The following CDH8 variants were observed in gnomAD, a reference collection of about 807,000 sequenced individuals.
The protein encoded by CDH8 is cadherin 8, also known as cadherin-8.
Under a neutral mutation model 68.1 loss-of-function variants are expected in CDH8, and 17 were observed. The ratio of observed to expected loss-of-function variants is 0.25; its 90% confidence interval spans 0.17 to 0.37. CDH8 has a LOEUF of 0.37. CDH8 is among the 10% of genes least tolerant of loss of function. CDH8 has a pLI of 1.00. For missense variants in CDH8, 763 were observed against 999.3 expected (o/e 0.76, Z 3.19); for synonymous variants, 372 against 365.1 (o/e 1.02, Z -0.21).
At position 61,789,472 on chromosome 16, in the gene CDH8, C is replaced by T. The variant is rs1320867655; in HGVS notation, c.1288G>A (p.Asp430Asn). 7 of 1,612,170 alleles carry T rather than the reference C, an allele frequency of 4.3e-6. No homozygotes were observed. Among genetic ancestry groups the T allele is most frequent in the Non-Finnish European group, 5.9e-6 (7 of 1,179,036 alleles). Residue 430 changes from aspartate to asparagine, a missense_variant, in exon 8 of 12, where the codon GAC becomes AAC. Coordinates refer to ENST00000577390, the MANE Select transcript of CDH8 (RefSeq NM_001796.5). ...TGCCTCTCCAGGTCAGTGTGCCGGT[C>T]GATGGAAAACCTACAAAACAGACAC... is the stretch of plus-strand genomic sequence containing the variant. ...ITSSPIRFSI[D>N]RHTDLERQFN...
At chr16:61,951,894 A>G (rs1964904615) in intron 2 of CDH8, among the ~76,000 whole-genome samples, 1 of 152,214 alleles carries the variant, frequency 6.6e-6, no homozygotes, top group Non-Finnish European at 1.5e-5. Context: ...AATGAAATCA[A>G]TGGGAAACGG....
At chr16:62,000,521 TA>T (rs879531843) in intron 2 of CDH8, among the ~76,000 whole-genome samples, 2 of 151,928 alleles carry the variant, frequency 1.3e-5, no homozygotes, top group African/African-American at 4.8e-5. Flanking sequence ...AAAGCTAGAA[TA>T]AAAAAAAGCA....
At chr16:62,030,652 A>C (rs1902303206) in intron 1 of CDH8, among the ~76,000 whole-genome samples, 1 of 151,984 alleles carries the variant, frequency 6.6e-6, no homozygotes, top group Non-Finnish European at 1.5e-5. Context: ...CTATCTAGAG[A>C]GAAAAAGACA....
intron 2 of CDH8, among the ~76,000 whole-genome samples, chr16:61,995,928 C>T (rs374218343): frequency 2.0e-5 from 3 of 152,200 alleles, no homozygotes; most frequent in Non-Finnish European, 4.4e-5. Flanking sequence ...TTTCCTCCTA[C>T]AAGAATGTAT....
chr16:61,706,219 G>A (rs1178224537), intron 10 of CDH8, among the ~76,000 whole-genome samples: 1 of 152,178 alleles, frequency 6.6e-6, no homozygotes, highest in Admixed American at 6.5e-5. Flanking sequence ...ATAGATAAGG[G>A]AAGCCAATAC....
At chr16:62,027,243 A>G (rs1328896696) in intron 1 of CDH8, among the ~76,000 whole-genome samples, 1 of 152,210 alleles carries the variant, frequency 6.6e-6, no homozygotes, top group Non-Finnish European at 1.5e-5. Flanking sequence ...TCATACTTAC[A>G]TTTCAGAGAT....
intron 8 of CDH8, among the ~76,000 whole-genome samples, chr16:61,734,864 C>T (rs1959632650): frequency 6.6e-6 from 1 of 152,032 alleles, no homozygotes; most frequent in Non-Finnish European, 1.5e-5. Flanking sequence ...TTACCACAAG[C>T]TTCATGCCTT....
At chr16:61,832,381 T>C (rs142156046) in intron 4 of CDH8, among the ~76,000 whole-genome samples, 4 of 138,092 alleles carry the variant, frequency 2.9e-5, no homozygotes, top group African/African-American at 5.0e-5. Context: ...GATAGATAGA[T>C]ACATAGAGAA....
At chr16:61,901,021 T>C (rs917353449) in intron 3 of CDH8, 158 bp downstream of exon 3, 20 of 629,888 alleles carry the variant, frequency 3.2e-5, no homozygotes, top group South Asian at 6.2e-5. Flanking sequence ...CTAAAGCTAC[T>C]GAGCTGTGGA....
chr16:61,880,082 C>A (rs560187384), intron 3 of CDH8, among the ~76,000 whole-genome samples: 1 of 151,936 alleles, frequency 6.6e-6, no homozygotes, highest in Admixed American at 6.6e-5. Context: ...CCCACCACCA[C>A]GCCCTGCTAA....
At chr16:61,847,538 T>TTATA (rs56946081) in intron 4 of CDH8, among the ~76,000 whole-genome samples, 3,790 of 136,466 alleles carry the variant, frequency 0.028, 66 homozygotes, top group East Asian at 0.051. Flanking sequence ...TCCAATCATT[T>TTATA]TATATATATA....
intron 9 of CDH8, chr16:61,714,411 T>A (rs905388156): frequency 1.2e-5 from 2 of 172,100 alleles, no homozygotes; most frequent in African/African-American, 4.8e-5. Flanking sequence ...GTTTGCCAAA[T>A]AGTGTTCCTC....
At chr16:61,845,827 A>C (rs1275034311) in intron 4 of CDH8, among the ~76,000 whole-genome samples, 1 of 152,072 alleles carries the variant, frequency 6.6e-6, no homozygotes, top group Non-Finnish European at 1.5e-5. Context: ...TTTTTCACTT[A>C]TTTGAAACAT....
At chr16:62,034,072 G>C (rs1354878902) in intron 1 of CDH8, among the ~76,000 whole-genome samples, 1 of 152,066 alleles carries the variant, frequency 6.6e-6, no homozygotes, top group East Asian at 1.9e-4. Context: ...GATGATTATG[G>C]AGAACTCCCT....
intron 10 of CDH8, among the ~76,000 whole-genome samples, chr16:61,707,986 C>A (rs940059007): frequency 2.2e-4 from 33 of 152,010 alleles, no homozygotes; most frequent in Admixed American, 7.2e-4. Context: ...AACATTTTTT[C>A]TAAATAATTC....
At chr16:61,939,437 A>C (rs145249879) in intron 2 of CDH8, among the ~76,000 whole-genome samples, 2 of 152,320 alleles carry the variant, frequency 1.3e-5, no homozygotes, top group East Asian at 3.9e-4. Flanking sequence ...CCTCCTTTGC[A>C]GATTTTTCTT....
intron 9 of CDH8, chr16:61,726,132 AC>A (rs1216202880): frequency 6.6e-6 from 1 of 151,020 alleles, no homozygotes; most frequent in Non-Finnish European, 1.5e-5. Flanking sequence ...AATTCCTAAC[AC>A]CCACATGAGG....
chr16:61,776,852 C>A (rs949974705), intron 8 of CDH8, among the ~76,000 whole-genome samples: 11 of 152,064 alleles, frequency 7.2e-5, no homozygotes. Context: ...CCCCATTGTA[C>A]TAGGCTTAAT....
intron 7 of CDH8, among the ~76,000 whole-genome samples, chr16:61,813,750 C>T (rs1254526734): frequency 6.6e-6 from 1 of 152,080 alleles, no homozygotes; most frequent in African/African-American, 2.4e-5. Context: ...CTAAATTTTC[C>T]TTGTTATGTG....
Sources: gnomAD v4.1 joint callset for allele counts (sites outside exome capture counted in the v4.1 genomes callset) on GRCh38, gnomAD v4.1.1 for gene constraint, MANE v1.5 for transcripts, NCBI Gene and HGNC (gene_info 2026-07-23, HGNC 2026-07-21) for gene names.